Variants in ADRA1A observed in about 807,000 individuals in gnomAD.
ADRA1A encodes alpha-1A adrenergic receptor.
A neutral mutation model predicts 29.6 loss-of-function variants in ADRA1A; 31 were observed. The observed-to-expected ratio is 1.05, with a 90% CI of 0.79 to 1.41. ADRA1A has a LOEUF of 1.41. Among genes scored for constraint, ADRA1A ranks in the 40% most tolerant of loss-of-function variants. The pLI, the probability that ADRA1A is intolerant of heterozygous loss-of-function variation, is 0.00. For missense variants in ADRA1A, 619 were observed against 601.1 expected (o/e 1.03, Z -0.31); for synonymous variants, 311 against 254.3 (o/e 1.22, Z -2.12).
At position 26,796,381 on chromosome 8, in the gene ADRA1A, G is replaced by GT. The variant is rs1310387724; in HGVS notation, c.884-25716dup. ...TCGCTACCTTCATCTGCATTTCCAA[G>GT]TTTTTTTAAATAGCTTTCATAAATA... On this transcript the variant is annotated intron_variant, in intron 2 of 2. Coordinates refer to ENST00000380573, the MANE Select transcript of ADRA1A (RefSeq NM_000680.4). The surrounding 1 kb of genome is among the most constrained non-coding windows in gnomAD (Gnocchi z 5.0). Among the ~76,000 whole-genome samples the GT allele has an allele frequency of 2.6e-5, 4 of 152,048 alleles. No homozygotes were observed. Among genetic ancestry groups the GT allele is most frequent in the African/African-American group, 4.8e-5 (2 of 41,408 alleles).
At chr8:26,822,914 C>T (rs900966512) in intron 2 of ADRA1A, among the ~76,000 whole-genome samples, 1 of 152,068 alleles carries the variant, frequency 6.6e-6, no homozygotes, top group Non-Finnish European at 1.5e-5. Context: ...AATCTCATGA[C>T]AGCTCACTAT....
chr8:26,859,164 C>T (rs1360079578), intron 2 of ADRA1A: 2 of 1,290,038 alleles, frequency 1.6e-6, no homozygotes, highest in South Asian at 1.2e-5. Flanking sequence ...ACCGACAGCC[C>T]TTTTCTCCAA....
intron 2 of ADRA1A, among the ~76,000 whole-genome samples, chr8:26,800,591 T>C (rs1050263216): frequency 5.9e-5 from 9 of 152,030 alleles, no homozygotes; most frequent in Non-Finnish European, 1.2e-4. Flanking sequence ...TAACAAGTAA[T>C]AATATCAAAG....
chr8:26,851,623 G>C (rs1371041724), intron 2 of ADRA1A, among the ~76,000 whole-genome samples: 1 of 152,054 alleles, frequency 6.6e-6, no homozygotes, highest in African/African-American at 2.4e-5. Context: ...AAATAGATTA[G>C]AGATTGAAAT....
chr8:26,786,787 AC>A (rs1807429487), intron 2 of ADRA1A, among the ~76,000 whole-genome samples: 1 of 151,700 alleles, frequency 6.6e-6, no homozygotes, highest in African/African-American at 2.4e-5. Flanking sequence ...AGCATCCTAA[AC>A]TTTTTCTTCA....
In ADRA1A at chr8:26,867,129, A is replaced by G. The variant is rs1159895116; in HGVS notation, c.-880T>C. On this transcript the variant is annotated 5_prime_UTR_variant, in exon 1 of 3. The change abolishes the stop of an existing upstream ORF in the 5' untranslated region. Coordinates refer to ENST00000380573, the MANE Select transcript of ADRA1A (RefSeq NM_000680.4). The stretch of plus-strand genomic sequence containing the variant: ...GTCTTTAAGCTCCTGAACCGCTGTC[A>G]CTTTACCTGCATTTTTTAAAAAGAG... The G allele has an allele frequency of 1.0e-6, 1 of 985,336 alleles. No homozygotes were observed. The highest frequency in any genetic ancestry group is 6.2e-5 in the Admixed American group (1 of 16,258). The allele number at this position is 985,336 out of a possible 1,614,324, so 61.0% of individuals were successfully genotyped here. A position where few individuals can be genotyped will look rare whatever the true frequency, so the allele number is the denominator to read the frequency against.
chr8:26,814,782 A>G (rs946621814), intron 2 of ADRA1A, among the ~76,000 whole-genome samples: 1 of 152,248 alleles, frequency 6.6e-6, no homozygotes, highest in Non-Finnish European at 1.5e-5. Flanking sequence ...GATGACCTTT[A>G]ACTTTCTATT....
At chr8:26,776,232 A>T (rs1340863709) in intron 2 of ADRA1A, among the ~76,000 whole-genome samples, 1 of 152,228 alleles carries the variant, frequency 6.6e-6, no homozygotes, top group Non-Finnish European at 1.5e-5. Context: ...CCTATCCAGC[A>T]CTGGTCATTA....
chr8:26,773,133 G>C lies in ADRA1A; in HGVS notation c.884-2467C>G, dbSNP rs539282600. ...AATGAGTTTGAGTAGCTCAACCGAG[G>C]TCACTCACATAGTTACTGGTAGGTT... On this transcript the variant is annotated intron_variant, in intron 2 of 2. Coordinates refer to ENST00000380573, the MANE Select transcript of ADRA1A (RefSeq NM_000680.4). Among the ~76,000 whole-genome samples, 5 of 152,306 alleles carry C rather than the reference G, an allele frequency of 3.3e-5. No homozygotes were observed. In the East Asian group the frequency reaches 9.6e-4, roughly 29 times the overall value.
rs1810141737 is a variant in ADRA1A at position 26,821,121 on chromosome 8, C to T, written c.883+42966G>A. Among the ~76,000 whole-genome samples, 1 of 152,098 alleles carries T rather than the reference C, an allele frequency of 6.6e-6. No individual in the cohort carries two copies. Among genetic ancestry groups the T allele is most frequent in the African/African-American group, 2.4e-5 (1 of 41,406 alleles). ...AGCCAGGTGGTCTCAAACTCCTGAC[C>T]TCAGGTGATCCACCCACCTTGGCCT... On this transcript the variant is annotated intron_variant, in intron 2 of 2. Coordinates refer to ENST00000380573, the MANE Select transcript of ADRA1A (RefSeq NM_000680.4). The surrounding 1 kb of genome is among the most constrained non-coding windows in gnomAD (Gnocchi z 5.6).
chr8:26,751,882 C>G (rs1192758820), downstream of ADRA1A, among the ~76,000 whole-genome samples: 2 of 152,146 alleles, frequency 1.3e-5, no homozygotes, highest in Non-Finnish European at 2.9e-5. Context: ...GCTTAGGTCA[C>G]ATGCTGCTAA....
chr8:26,813,683 C>G (rs932378353), intron 2 of ADRA1A, among the ~76,000 whole-genome samples: 1 of 152,100 alleles, frequency 6.6e-6, no homozygotes, highest in Non-Finnish European at 1.5e-5. Context: ...GACAAGGTAA[C>G]AAAGTTGCCT....
chr8:26,835,789 T>G (rs1232582183), intron 2 of ADRA1A: 1 of 152,228 alleles, frequency 6.6e-6, no homozygotes, highest in Admixed American at 6.5e-5. Context: ...AAAGCTGGAA[T>G]GCACCCTGGA....
intron 2 of ADRA1A, among the ~76,000 whole-genome samples, chr8:26,820,476 T>C (rs953516119): frequency 6.6e-6 from 1 of 152,212 alleles, no homozygotes; most frequent in Non-Finnish European, 1.5e-5. Context: ...AGGGATACTT[T>C]CTTGACTAAA....
chr8:26,847,260 C>CT (rs1812276735), intron 2 of ADRA1A, among the ~76,000 whole-genome samples: 1 of 151,732 alleles, frequency 6.6e-6, no homozygotes, highest in Admixed American at 6.6e-5. Context: ...AAGAAAAACA[C>CT]TAACAAAAAC....
At chr8:26,816,081 C>CGAGGA (rs1288911605) in intron 2 of ADRA1A, among the ~76,000 whole-genome samples, 3 of 152,276 alleles carry the variant, frequency 2.0e-5, no homozygotes, top group Admixed American at 1.3e-4. Flanking sequence ...AGCAGCATCC[C>CGAGGA]GAGGAGTCGT....
intron 2 of ADRA1A, among the ~76,000 whole-genome samples, chr8:26,757,498 C>G (rs997650355): frequency 1.1e-4 from 17 of 149,866 alleles, no homozygotes; most frequent in African/African-American, 4.2e-4. Context: ...AAGTCTGTCC[C>G]TTTTGCTTCC....
intron 2 of ADRA1A, among the ~76,000 whole-genome samples, chr8:26,818,609 C>CAAACAG (rs1373119346): frequency 6.6e-6 from 1 of 151,466 alleles, no homozygotes; most frequent in Non-Finnish European, 1.5e-5. Flanking sequence ...TAAAAAGAAC[C>CAAACAG]AAACAGAAAT....
chr8:26,782,173 CT>C (rs1807041292), intron 2 of ADRA1A, among the ~76,000 whole-genome samples: 12 of 152,192 alleles, frequency 7.9e-5, no homozygotes, highest in Admixed American at 7.9e-4. Context: ...CTGGATTAAG[CT>C]AGGGATGAAG....
Sources: gnomAD v4.1 joint callset for allele counts (sites outside exome capture counted in the v4.1 genomes callset) on GRCh38, gnomAD v4.1.1 for gene constraint, Gnocchi (gnomAD v3.1) non-coding constraint, MANE v1.5 for transcripts, NCBI Gene and HGNC (gene_info 2026-07-23, HGNC 2026-07-21) for gene names.